The following SLC8A1 variants were observed in gnomAD, a reference collection of about 807,000 sequenced individuals.
SLC8A1 encodes the protein sodium/calcium exchanger 1.
A neutral mutation model predicts 68.3 loss-of-function variants in SLC8A1; 18 were observed. The ratio of observed to expected loss-of-function variants is 0.26; its 90% CI spans 0.18 to 0.39. SLC8A1 has a LOEUF of 0.39. Among genes scored for constraint, SLC8A1 ranks in the 10% least tolerant of loss-of-function variants. SLC8A1 has a pLI of 1.00. For missense variants in SLC8A1, 985 were observed against 1,156.7 expected (o/e 0.85, Z 2.15); for synonymous variants, 475 against 415.5 (o/e 1.14, Z -1.74).
At chr2:40,339,434 A>G (rs1667016061) in intron 2 of SLC8A1, among the ~76,000 whole-genome samples, 1 of 152,210 alleles carries the variant, frequency 6.6e-6, no homozygotes, top group Non-Finnish European at 1.5e-5. Context: ...GGCTCTCTAA[A>G]GTGAGGCAGT....
chr2:40,381,721 T>C (rs960249911), intron 2 of SLC8A1, among the ~76,000 whole-genome samples: 2 of 151,518 alleles, frequency 1.3e-5, no homozygotes, highest in African/African-American at 4.9e-5. Flanking sequence ...ATTTGTCTTA[T>C]CTGAGTTCCT....
chr2:40,366,132 T>A (rs528092767), intron 2 of SLC8A1, among the ~76,000 whole-genome samples: 1 of 152,162 alleles, frequency 6.6e-6, no homozygotes, highest in Non-Finnish European at 1.5e-5. Flanking sequence ...ACATTCTCTA[T>A]TTGTAAAATG....
intron 2 of SLC8A1, among the ~76,000 whole-genome samples, chr2:40,380,796 C>T (rs1681489519): frequency 6.6e-6 from 1 of 152,102 alleles, no homozygotes; most frequent in Non-Finnish European, 1.5e-5. Context: ...ACTAACCTGG[C>T]TACAGCTAGA....
intron 2 of SLC8A1, among the ~76,000 whole-genome samples, chr2:40,387,795 G>A (rs1269805067): frequency 6.6e-6 from 1 of 151,870 alleles, no homozygotes. Flanking sequence ...AAAATTAGCG[G>A]GTGTGGTGGC....
upstream of SLC8A1, among the ~76,000 whole-genome samples, chr2:40,452,529 C>T (rs966629554): frequency 9.9e-5 from 15 of 152,202 alleles, no homozygotes; most frequent in African/African-American, 3.6e-4. Context: ...CTTCCGCAGA[C>T]AGAACCCTGA....
intron 2 of SLC8A1, among the ~76,000 whole-genome samples, chr2:40,273,804 G>A (rs188408713): frequency 1.3e-4 from 19 of 151,840 alleles, no homozygotes; most frequent in Middle Eastern, 3.4e-3. Flanking sequence ...TCACTAAGGG[G>A]CACTTGCACA....
At chr2:40,303,034 A>G (rs2071822073) in intron 2 of SLC8A1, among the ~76,000 whole-genome samples, 1 of 152,224 alleles carries the variant, frequency 6.6e-6, no homozygotes, top group African/African-American at 2.4e-5. Flanking sequence ...GACATTTTCA[A>G]TTCTTCCTTT....
Position 40,326,547 on chromosome 2 carries a change from T to TCTTGCTTCCTTTC in SLC8A1, c.1808+101925_1808+101926insGAAAGGAAGCAAG, listed in dbSNP as rs2075846037. ...TCTTTTCTTGTCACAGCCCACTCAT[T>TCTTGCTTCCTTTC]TTGCTTCCCCACCTTCCTTCTTAAC... On this transcript the variant is annotated intron_variant, in intron 2 of 7. Transcript: ENST00000406785. 2.6e-5 allele frequency among the ~76,000 whole-genome samples: 4 copies of TCTTGCTTCCTTTC among 152,146 alleles called. 1 individual carries two copies. The highest frequency in any genetic ancestry group is 2.6e-4 in the Admixed American group (4 of 15,268).
At chr2:40,291,257 A>C (rs2069254927) in intron 2 of SLC8A1, among the ~76,000 whole-genome samples, 1 of 152,174 alleles carries the variant, frequency 6.6e-6, no homozygotes, top group Non-Finnish European at 1.5e-5. Context: ...CCACAGATGA[A>C]TATTGAGAAG....
intron 2 of SLC8A1, among the ~76,000 whole-genome samples, chr2:40,371,176 T>A (rs1186095896): frequency 6.6e-6 from 1 of 152,118 alleles, no homozygotes; most frequent in Non-Finnish European, 1.5e-5. Flanking sequence ...CCTGTGTGCA[T>A]TCATTTCAGG....
intron 1 of SLC8A1, among the ~76,000 whole-genome samples, chr2:40,464,486 G>C (rs1456827487): frequency 6.6e-6 from 1 of 152,192 alleles, no homozygotes; most frequent in Non-Finnish European, 1.5e-5. Flanking sequence ...TCTCCTCTTT[G>C]AGGTAAAGGG....
intron 2 of SLC8A1, among the ~76,000 whole-genome samples, chr2:40,378,281 G>A (rs916311715): frequency 6.6e-6 from 1 of 152,138 alleles, no homozygotes; most frequent in African/African-American, 2.4e-5. Flanking sequence ...GCAGAAAAGT[G>A]CCATCTGAGT....
intron 2 of SLC8A1, among the ~76,000 whole-genome samples, chr2:40,241,723 G>A (rs2061249009): frequency 6.6e-6 from 1 of 152,142 alleles, no homozygotes; most frequent in South Asian, 2.1e-4. Flanking sequence ...CACCCATACT[G>A]AATCCTCTAC....
At chr2:40,118,735 T>C (rs72942568) in intron 7 of SLC8A1, among the ~76,000 whole-genome samples, 2,445 of 150,604 alleles carry the variant, frequency 0.016, 83 homozygotes, top group African/African-American at 0.056. Flanking sequence ...CCTGAGATGT[T>C]ATTCTAAGCT....
intron 2 of SLC8A1, among the ~76,000 whole-genome samples, chr2:40,200,246 A>ATT (rs2054063047): frequency 1.1e-4 from 2 of 17,536 alleles, no homozygotes; most frequent in African/African-American, 2.9e-4. Context: ...ATAAATATAT[A>ATT]TATATATATA....
intron 1 of SLC8A1, among the ~76,000 whole-genome samples, chr2:40,495,879 G>A (rs372862850): frequency 3.9e-5 from 6 of 152,000 alleles, no homozygotes; most frequent in African/African-American, 7.2e-5. Context: ...ATTAGGCTTC[G>A]TCATAAAGAA....
intron 2 of SLC8A1, among the ~76,000 whole-genome samples, chr2:40,186,205 C>A (rs1043449590): frequency 6.6e-6 from 1 of 152,176 alleles, no homozygotes; most frequent in African/African-American, 2.4e-5. Context: ...CATAAGGAGG[C>A]CTGCTGCCTT....
chr2:40,114,333 C>T (rs572125457), exon 8 of SLC8A1: 1 of 152,842 alleles, frequency 6.5e-6, no homozygotes, highest in African/African-American at 2.4e-5. Flanking sequence ...CATGTTAATG[C>T]AAATGGAAAA....
chr2:40,256,814 T>C (rs78069319), intron 2 of SLC8A1, among the ~76,000 whole-genome samples: 47 of 152,130 alleles, frequency 3.1e-4, no homozygotes, highest in African/African-American at 1.1e-3. Context: ...ATCCACAGGG[T>C]TGGGGATGCT....
Sources: gnomAD v4.1 joint callset for allele counts (sites outside exome capture counted in the v4.1 genomes callset) on GRCh38, gnomAD v4.1.1 for gene constraint, MANE v1.5 for transcripts, NCBI Gene and HGNC (gene_info 2026-07-23, HGNC 2026-07-21) for gene names.